Variants in NASP observed in about 807,000 individuals in gnomAD.
NASP encodes NASP histone chaperone.
In NASP, 24 loss-of-function variants were observed where a neutral mutation model predicts 89.5. The observed-to-expected ratio is 0.27, with a 90% CI of 0.19 to 0.38. The LOEUF (loss-of-function observed/expected upper bound fraction) is 0.38. Ranked by LOEUF, NASP falls within the 10% of genes least tolerant of loss-of-function variation. NASP has a pLI of 1.00. For missense variants in NASP, 848 were observed against 921.4 expected (o/e 0.92, Z 1.03); for synonymous variants, 306 against 324.7 (o/e 0.94, Z 0.62).
intron 2 of NASP, chr1:45,592,823 A>G (rs748959545): frequency 2.0e-5 from 3 of 152,060 alleles, no homozygotes; most frequent in Non-Finnish European, 2.9e-5. Context: ...CCACAAATAC[A>G]TTTTTTAAGC....
At chr1:45,604,210 A>AT (rs1160242774) in intron 3 of NASP, among the ~76,000 whole-genome samples, 1 of 152,142 alleles carries the variant, frequency 6.6e-6, no homozygotes, top group African/African-American at 2.4e-5. Flanking sequence ...TTCTGCCAGT[A>AT]TTTTACTCCA....
At chr1:45,594,786 A>C (rs1365728731) in intron 2 of NASP, 1 of 438,126 alleles carries the variant, frequency 2.3e-6, no homozygotes, top group Non-Finnish European at 4.7e-6. Context: ...GTGAGCCACT[A>C]TGCTTGGCAT....
intron 1 of NASP, among the ~76,000 whole-genome samples, chr1:45,584,971 T>C (rs1644509441): frequency 6.6e-6 from 1 of 152,130 alleles, no homozygotes; most frequent in African/African-American, 2.4e-5. Context: ...TGGTGTCTGT[T>C]TGGGGGGAAC....
At chr1:45,598,332 G>A (rs781699432) in intron 2 of NASP, among the ~76,000 whole-genome samples, 1 of 151,980 alleles carries the variant, frequency 6.6e-6, no homozygotes, top group Non-Finnish European at 1.5e-5. Flanking sequence ...CACCATGCCC[G>A]GCTAATTTTG....
intron 6 of NASP, chr1:45,610,208 A>G (rs753793139): frequency 2.0e-5 from 3 of 152,210 alleles, no homozygotes; most frequent in Non-Finnish European, 2.9e-5. Context: ...TCCAAAAGAA[A>G]AAAAAAATCT....
At chr1:45,592,125 C>T (rs952663176) in intron 2 of NASP, among the ~76,000 whole-genome samples, 44 of 152,160 alleles carry the variant, frequency 2.9e-4, no homozygotes, top group East Asian at 7.7e-4. Context: ...GCTGGGATTA[C>T]AGGCGGGTGC....
intron 1 of NASP, among the ~76,000 whole-genome samples, chr1:45,589,628 A>G (rs1437219222): frequency 3.9e-5 from 6 of 152,022 alleles, no homozygotes; most frequent in Admixed American, 2.6e-4. Context: ...GGCTGGGCGC[A>G]GTGGCTCACA....
intron 1 of NASP, among the ~76,000 whole-genome samples, chr1:45,586,289 GTGTGTGT>G (rs1557646598): frequency 3.2e-4 from 32 of 99,732 alleles, no homozygotes; most frequent in African/African-American, 2.4e-4. Flanking sequence ...TGTGTGGTGT[GTGTGTGT>G]GTGTGTGTGT....
intron 2 of NASP, among the ~76,000 whole-genome samples, chr1:45,598,762 G>A (rs1351658283): frequency 6.6e-6 from 1 of 152,162 alleles, no homozygotes; most frequent in Non-Finnish European, 1.5e-5. Flanking sequence ...TAATCAGTCA[G>A]TGGCAATGTT....
In NASP at chr1:45,611,848, A is replaced by C. The variant is rs1042478884; in HGVS notation, c.1427-1321A>C. The C allele has an allele frequency of 5.5e-5, 8 of 146,414 alleles. No individual in the cohort carries two copies. The East Asian group carries it at 1.6e-3, about 30-fold the overall frequency. The allele number at this position is 146,414 out of a possible 1,614,324, so 9.1% of individuals were successfully genotyped here. A position where few individuals can be genotyped will look rare whatever the true frequency, so the allele number is the denominator to read the frequency against. On this transcript the variant is annotated intron_variant, in intron 6 of 14. Transcript: ENST00000350030. ...CCCTGATGTCCTCAGTAAATTTGTT[A>C]AAGTATCTTTTTTTTTTTTTTTTTT...
chr1:45,615,490 T>C lies in NASP; in HGVS notation c.2022+19T>C. The C allele has an allele frequency of 6.3e-7, 1 of 1,596,474 alleles. No individual in the cohort carries two copies. Among genetic ancestry groups the C allele is most frequent in the Non-Finnish European group, 8.5e-7 (1 of 1,173,356 alleles). On this transcript the variant is annotated intron_variant, in intron 11 of 14. Coordinates refer to ENST00000350030, the MANE Select transcript of NASP (RefSeq NM_002482.4). ...TACTCTGGTTGGTTCCGTTAACATT[T>C]TGATAATAGCATGTTTGGTACCATT...
intron 6 of NASP, 138 bp from the exon 7 acceptor site, chr1:45,613,031 C>T: frequency 8.2e-7 from 1 of 1,222,260 alleles, no homozygotes; most frequent in Non-Finnish European, 1.1e-6. Flanking sequence ...ACGATATATT[C>T]AGTTCAGGTG....
intron 1 of NASP, among the ~76,000 whole-genome samples, chr1:45,588,218 C>T (rs1644585972): frequency 6.6e-6 from 1 of 152,038 alleles, no homozygotes; most frequent in South Asian, 2.1e-4. Flanking sequence ...ATTCTCCTGC[C>T]TCAGCCTCCC....
In NASP at chr1:45,607,766, T is replaced by C. The variant is rs1471375843; in HGVS notation, c.855T>C (p.Thr285=). The stretch of plus-strand genomic sequence containing the variant: ...TTTCAGAAGAGCAGCCTGTGGTGAC[T>C]CTAGAAAAGCAGGGCACTGCAGTGG... ...KEVSEEQPVV[T]LEKQGTAVEV... is the part of the protein sequence containing the mutation. Residue 285 remains threonine (T), a synonymous_variant, in exon 6 of 15, where the codon ACT becomes ACC. Transcript: ENST00000350030. The C allele has an allele frequency of 1.2e-6, 2 of 1,614,092 alleles. No individual in the cohort carries two copies. Among genetic ancestry groups the C allele is most frequent in the Admixed American group, 1.7e-5 (1 of 60,016 alleles).
intron 1 of NASP, among the ~76,000 whole-genome samples, chr1:45,584,829 C>T (rs1208251367): frequency 1.3e-5 from 2 of 152,168 alleles, no homozygotes; most frequent in Non-Finnish European, 2.9e-5. Context: ...GGACTATCTC[C>T]GTGGGGCCGG....
At chr1:45,609,452 G>A (rs988794555) in intron 6 of NASP, 4 of 152,104 alleles carry the variant, frequency 2.6e-5, no homozygotes, top group African/African-American at 9.7e-5. Context: ...TCTTAATGGA[G>A]CTTTAGGAGT....
chr1:45,590,642 G>A, intron 1 of NASP, among the ~76,000 whole-genome samples: 1 of 147,114 alleles, frequency 6.8e-6, no homozygotes, highest in Admixed American at 6.8e-5. Flanking sequence ...TGCTTTTAAT[G>A]GTATTCAATT....
rs766996170 is a variant in NASP, at chr1:45,608,341, A to AC, written c.1426+6dup. Reference sequence around the variant, plus strand: ...GAACAGATGAAAGAGGGTGAAGGTAACCGGGATATGCAAGAGCTGCAGTGG... The same window carrying AC: ...GAACAGATGAAAGAGGGTGAAGGTAACCCGGGATATGCAAGAGCTGCAGTGG... On this transcript the variant is annotated splice_donor_region_variant and intron_variant, in intron 6 of 14. Coordinates refer to ENST00000350030, the MANE Select transcript of NASP (RefSeq NM_002482.4). The AC allele has an allele frequency of 6.3e-7, 1 of 1,598,536 alleles. No individual in the cohort carries two copies. Among genetic ancestry groups the AC allele is most frequent in the Admixed American group, 1.8e-5 (1 of 57,108 alleles).
chr1:45,617,616 C>A, intron 14 of NASP, 25 bp downstream of exon 14: 1 of 1,549,346 alleles, frequency 6.5e-7, no homozygotes, highest in South Asian at 1.3e-5. Context: ...AGGGCTTAGC[C>A]TCTTGCCTCA....
Sources: gnomAD v4.1 joint callset for allele counts (sites outside exome capture counted in the v4.1 genomes callset) on GRCh38, gnomAD v4.1.1 for gene constraint, MANE v1.5 for transcripts, NCBI Gene and HGNC (gene_info 2026-07-23, HGNC 2026-07-21) for gene names.